SCMH1: variants seen among roughly 807,000 people sequenced by gnomAD.
SCMH1 encodes the protein Scm polycomb group protein homolog 1, also known as polycomb protein SCMH1.
SCMH1 carries 37 observed loss-of-function variants against 70.8 expected under a neutral mutation model. That is an observed-to-expected ratio of 0.52 (90% confidence interval 0.40 to 0.69). The LOEUF is 0.69. Ranked by LOEUF, SCMH1 falls within the 30% of genes least tolerant of loss-of-function variation. SCMH1 has a pLI of 0.00. For missense variants in SCMH1, 607 were observed against 827.3 expected (o/e 0.73, Z 3.27); for synonymous variants, 292 against 307.4 (o/e 0.95, Z 0.52).
chr1:41,033,888 C>A, intron 13 of SCMH1, 95 bp downstream of exon 14: 1 of 1,576,114 alleles, frequency 6.3e-7, no homozygotes, highest in Non-Finnish European at 8.6e-7. Flanking sequence ...ACAGTACCAT[C>A]TGAGGCCAGT....
intron 8 of SCMH1, among the ~76,000 whole-genome samples, chr1:41,077,616 G>T (rs1351213985): frequency 6.6e-6 from 1 of 152,138 alleles, no homozygotes; most frequent in Non-Finnish European, 1.5e-5. Context: ...ACAATCTCCT[G>T]CAGTGTTTCA....
chr1:41,156,949 C>CTGGGATTA (rs1340441250), intron 4 of SCMH1, among the ~76,000 whole-genome samples: 3 of 129,932 alleles, frequency 2.3e-5, no homozygotes, highest in Non-Finnish European at 4.7e-5. Flanking sequence ...CAAGTATAAG[C>CTGGGATTA]CAACTTTTTT....
At chr1:41,049,204 G>A (rs2148703152) in intron 10 of SCMH1, among the ~76,000 whole-genome samples, 1 of 152,186 alleles carries the variant, frequency 6.6e-6, no homozygotes, top group East Asian at 1.9e-4. Flanking sequence ...TTCCCCTCTT[G>A]TACGTACTTC....
rs567361195 is a variant in SCMH1 at position 41,139,077 on chromosome 1, CT to C, written c.412+3800del. Among the ~76,000 whole-genome samples the C allele has an allele frequency of 1.1e-3, 171 of 152,214 alleles. 1 individual carries two copies. The highest frequency in any genetic ancestry group is 3.9e-3 in the African/African-American group (164 of 41,534). On this transcript the variant is annotated intron_variant, in intron 6 of 14. Coordinates refer to ENST00000337495, the Ensembl canonical transcript of SCMH1. ...AATCCTAAATTTTACCCCCTGCTGTCTTTTTTTCCCTTCAACGTTAAGTCTC... is the reference window on the plus strand; with the variant it reads ...AATCCTAAATTTTACCCCCTGCTGTCTTTTTTCCCTTCAACGTTAAGTCTC...
chr1:41,075,137 T>C, intron 9 of SCMH1, 82 bp downstream of exon 9: 1 of 1,359,496 alleles, frequency 7.4e-7, no homozygotes, highest in Non-Finnish European at 1.0e-6. Context: ...GTGCTGGGAT[T>C]ACAGGCGTGA....
chr1:41,173,411 A>G (rs12127968), intron 2 of SCMH1, among the ~76,000 whole-genome samples: 11,887 of 152,286 alleles, frequency 0.078, 598 homozygotes, highest in South Asian at 0.12. Context: ...CAAAACCACA[A>G]TGAAATATCA....
In SCMH1 at chr1:41,113,848, G is replaced by A. The variant is rs1669806599; in HGVS notation, c.502-322C>T. Among the ~76,000 whole-genome samples, 1 of 151,878 alleles carries A rather than the reference G, an allele frequency of 6.6e-6. No individual in the cohort carries two copies. Among genetic ancestry groups the A allele is most frequent in the South Asian group, 2.1e-4 (1 of 4,828 alleles). On this transcript the variant is annotated intron_variant, in intron 7 of 14. Transcript: ENST00000337495. This position sits in a 1 kb window ranked among gnomAD's most constrained non-coding sequence, Gnocchi z 4.3. ...ACGGAGGTAACAGCTACCCATGCAT[G>A]TTTTATATTTTACTATATACATACA...
chr1:41,202,674 T>A (rs1001649774), intron 1 of SCMH1, among the ~76,000 whole-genome samples: 1 of 152,094 alleles, frequency 6.6e-6, no homozygotes, highest in African/African-American at 2.4e-5. Flanking sequence ...GAGGGCAGAC[T>A]CACTAAGAGC....
At chr1:41,217,361 C>T (rs1658317241) in intron 1 of SCMH1, among the ~76,000 whole-genome samples, 1 of 151,998 alleles carries the variant, frequency 6.6e-6, no homozygotes, top group African/African-American at 2.4e-5. Context: ...TTGGTGCTTA[C>T]AGTAAAATGT....
intron 10 of SCMH1, among the ~76,000 whole-genome samples, chr1:41,065,208 G>A (rs1182890130): frequency 2.0e-5 from 3 of 152,084 alleles, no homozygotes; most frequent in Admixed American, 1.3e-4. Flanking sequence ...ATCAGCTGGG[G>A]GTGGTGGCTC....
intron 13 of SCMH1, among the ~76,000 whole-genome samples, chr1:41,029,584 T>G (rs1316312851): frequency 6.6e-6 from 1 of 152,234 alleles, no homozygotes; most frequent in Admixed American, 6.5e-5. Flanking sequence ...TTGACTCAGA[T>G]ATAACGCCTC....
chr1:41,118,574 T>C lies in SCMH1; in HGVS notation c.413-1564A>G, dbSNP rs544913099. Among the ~76,000 whole-genome samples the C allele has an allele frequency of 4.6e-5, 7 of 152,354 alleles. No individual in the cohort carries two copies. In the East Asian group the frequency reaches 9.6e-4, roughly 21 times the overall value. On this transcript the variant is annotated intron_variant, in intron 6 of 14. Transcript: ENST00000337495. ...AGTACAAAATACTTTCTGAAGTTCA[T>C]TGTTTACTTAAACAACTAAGGACCA...
intron 6 of SCMH1, among the ~76,000 whole-genome samples, chr1:41,125,864 G>C (rs576836375): frequency 6.6e-6 from 1 of 152,218 alleles, no homozygotes; most frequent in Non-Finnish European, 1.5e-5. Context: ...GGTGTATCAG[G>C]TGATTTTTAG....
At position 41,242,095 on chromosome 1, in the gene SCMH1, C is replaced by G. The variant is rs1378876276; in HGVS notation, c.-154G>C. On this transcript the variant is annotated 5_prime_UTR_variant, in exon 1 of 15. Coordinates refer to ENST00000337495, the Ensembl canonical transcript of SCMH1. This position sits in a 1 kb window ranked among gnomAD's most constrained non-coding sequence, Gnocchi z 5.2. ...GCGGGGGCGCGGGGCGGCTCACTCT[C>G]TTCCCGCCGCCATGTTTCCGCTGCG... is the stretch of plus-strand genomic sequence containing the variant. 1 of 148,918 alleles carries G rather than the reference C, an allele frequency of 6.7e-6. No homozygotes were observed. Among genetic ancestry groups the G allele is most frequent in the Non-Finnish European group, 1.5e-5 (1 of 66,472 alleles). The allele number at this position is 148,918 out of a possible 1,614,324, so 9.2% of individuals were successfully genotyped here. A position where few individuals can be genotyped will look rare whatever the true frequency, so the allele number is the denominator to read the frequency against.
intron 2 of SCMH1, chr1:41,162,745 G>A (rs1646140058): frequency 6.6e-6 from 1 of 152,174 alleles, no homozygotes; most frequent in African/African-American, 2.4e-5. Flanking sequence ...CCTCTCTGCT[G>A]AGAAGTGAGT....
intron 5 of SCMH1, among the ~76,000 whole-genome samples, chr1:41,143,553 T>C (rs1644289741): frequency 6.6e-6 from 1 of 152,198 alleles, no homozygotes; most frequent in Non-Finnish European, 1.5e-5. Flanking sequence ...AATTTTTTCT[T>C]ATTTTGACAA....
intron 2 of SCMH1, among the ~76,000 whole-genome samples, chr1:41,172,814 G>C (rs1646875283): frequency 6.6e-6 from 1 of 152,016 alleles, no homozygotes; most frequent in Non-Finnish European, 1.5e-5. Flanking sequence ...TTTTGAGAAA[G>C]GCATCAAGAG....
chr1:41,224,455 T>C lies in SCMH1; in HGVS notation c.-118+17604A>G, dbSNP rs147157608. Among the ~76,000 whole-genome samples, 1,073 of 152,332 alleles carry C rather than the reference T, an allele frequency of 7.0e-3. 2 individuals are homozygous for C. Among genetic ancestry groups the C allele is most frequent in the Admixed American group, 0.011 (162 of 15,300 alleles). On this transcript the variant is annotated intron_variant, in intron 1 of 14. Coordinates refer to ENST00000337495, the Ensembl canonical transcript of SCMH1. ...ATAGAGTTAAGCATACACTAGTGTTTAGTAAATAATCTCCAATTACTATCA... is the reference window on the plus strand; with the variant it reads ...ATAGAGTTAAGCATACACTAGTGTTCAGTAAATAATCTCCAATTACTATCA...
intron 6 of SCMH1, among the ~76,000 whole-genome samples, chr1:41,125,672 A>G (rs954401533): frequency 3.3e-5 from 5 of 151,578 alleles, no homozygotes; most frequent in African/African-American, 1.2e-4. Context: ...TCCCAGACTC[A>G]AGGGGATACT....
Sources: allele counts gnomAD v4.1 joint callset (sites outside exome capture counted in the v4.1 genomes callset), GRCh38; gene constraint gnomAD v4.1.1; non-coding constraint Gnocchi (gnomAD v3.1); transcripts MANE v1.5; gene names NCBI Gene and HGNC (gene_info 2026-07-23, HGNC 2026-07-21).